INSC: variants seen among roughly 807,000 people sequenced by gnomAD.
The protein encoded by INSC is protein inscuteable homolog.
In INSC, 67 loss-of-function variants were observed where a neutral mutation model predicts 58.6. The ratio of observed to expected loss-of-function variants is 1.14; its 90% CI spans 0.94 to 1.40. INSC has a LOEUF of 1.40. Ranked by LOEUF, INSC falls within the 40% of genes most tolerant of loss-of-function variation. The pLI is 0.00. For synonymous variants in INSC, 262 were observed against 276.1 expected (o/e 0.95, Z 0.51); for missense variants, 714 against 692.0 (o/e 1.03, Z -0.36).
At chr11:15,160,181 C>G (rs764089000) in intron 2 of INSC, among the ~76,000 whole-genome samples, 1 of 152,126 alleles carries the variant, frequency 6.6e-6, no homozygotes, top group African/African-American at 2.4e-5. Context: ...TGCTTACAGA[C>G]GTGTGGGGCA....
intron 7 of INSC, among the ~76,000 whole-genome samples, chr11:15,210,770 G>C (rs1303551883): frequency 6.6e-6 from 1 of 152,098 alleles, no homozygotes; most frequent in Non-Finnish European, 1.5e-5. Context: ...TGCTTCTGGA[G>C]TGGGGCAAGT....
intron 1 of INSC, among the ~76,000 whole-genome samples, chr11:15,117,987 C>T (rs1055193980): frequency 7.2e-5 from 11 of 152,288 alleles, no homozygotes; most frequent in South Asian, 6.2e-4. Context: ...TCTGGGTGCC[C>T]GAAGGAGTTT....
chr11:15,113,329 T>G (rs970392278), upstream of INSC, among the ~76,000 whole-genome samples: 1 of 151,952 alleles, frequency 6.6e-6, no homozygotes, highest in Middle Eastern at 3.4e-3. Flanking sequence ...CCCAGTTAAT[T>G]TTTGTATTAT....
intron 5 of INSC, among the ~76,000 whole-genome samples, chr11:15,189,806 G>T (rs1308755324): frequency 6.6e-6 from 1 of 152,146 alleles, no homozygotes; most frequent in East Asian, 1.9e-4. Context: ...TTGAGCTACT[G>T]GCATTAATTA....
At chr11:15,125,962 C>T (rs560515301) in intron 1 of INSC, among the ~76,000 whole-genome samples, 17 of 152,104 alleles carry the variant, frequency 1.1e-4, no homozygotes, top group Admixed American at 6.5e-4. Context: ...TGAAGAATAA[C>T]GGGAAAGTTG....
In INSC at chr11:15,240,444, C is replaced by T; in HGVS notation, c.1394-3C>T. ...CCTGAGGCTCTCCCTGTGTCTCCTA[C>T]AGGCATGTCCCGTCTCATCGAGCTC... On this transcript the variant is annotated splice_polypyrimidine_tract_variant and splice_region_variant and intron_variant, in intron 11 of 12. Transcript: ENST00000379556. The T allele has an allele frequency of 6.2e-7, 1 of 1,613,548 alleles. No individual in the cohort carries two copies. The highest frequency in any genetic ancestry group is 8.5e-7 in the Non-Finnish European group (1 of 1,179,670).
At chr11:15,169,655 C>T (rs1254565770) in intron 2 of INSC, among the ~76,000 whole-genome samples, 2 of 152,112 alleles carry the variant, frequency 1.3e-5, no homozygotes, top group Non-Finnish European at 2.9e-5. Context: ...GATTCTCCTG[C>T]CTCAACCTCC....
intron 8 of INSC, among the ~76,000 whole-genome samples, chr11:15,222,381 G>C (rs1039306835): frequency 6.6e-6 from 1 of 152,054 alleles, no homozygotes; most frequent in Non-Finnish European, 1.5e-5. Context: ...AATTGAAATG[G>C]AATGAAATTT....
chr11:15,255,736 A>ATGTGTGTGTGTGTGTGTGTG, the INSC span, among the ~76,000 whole-genome samples: 3 of 147,908 alleles, frequency 2.0e-5, no homozygotes, highest in African/African-American at 5.0e-5. Flanking sequence ...AAGTGTGTGT[A>ATGTGTGTGTGTGTGTGTGTG]TGTGTGTGTG....
intron 5 of INSC, among the ~76,000 whole-genome samples, chr11:15,186,107 C>A (rs773894463): frequency 6.6e-6 from 1 of 152,192 alleles, no homozygotes; most frequent in Non-Finnish European, 1.5e-5. Context: ...TCATCCTCAG[C>A]AGATACCTGA....
chr11:15,258,815 G>A, the INSC span, among the ~76,000 whole-genome samples: 1 of 152,132 alleles, frequency 6.6e-6, no homozygotes, highest in African/African-American at 2.4e-5. Flanking sequence ...CACTGCACAC[G>A]TTTAGCATAA....
chr11:15,267,062 G>A, the INSC span, among the ~76,000 whole-genome samples: 1 of 151,986 alleles, frequency 6.6e-6, no homozygotes, highest in African/African-American at 2.4e-5. Context: ...ACATCTACCA[G>A]TGTTGAATTC....
intron 1 of INSC, among the ~76,000 whole-genome samples, chr11:15,121,443 C>T (rs1360588436): frequency 2.6e-5 from 4 of 152,224 alleles, no homozygotes; most frequent in East Asian, 3.8e-4. Context: ...AATACAACTG[C>T]AGTGAGGTTA....
chr11:15,153,453 C>T (rs1848714199), intron 2 of INSC, among the ~76,000 whole-genome samples: 1 of 152,184 alleles, frequency 6.6e-6, no homozygotes, highest in Admixed American at 6.5e-5. Context: ...CATATGTGCA[C>T]CTCTGTTCTG....
chr11:15,135,578 C>T (rs573129436), intron 1 of INSC, among the ~76,000 whole-genome samples: 10 of 152,242 alleles, frequency 6.6e-5, no homozygotes, highest in South Asian at 2.1e-4. Flanking sequence ...CCCTTGTGGC[C>T]GAGCCAAGGT....
intron 1 of INSC, among the ~76,000 whole-genome samples, chr11:15,145,093 A>G (rs879875944): frequency 3.9e-5 from 6 of 152,102 alleles, no homozygotes; most frequent in African/African-American, 1.2e-4. Flanking sequence ...AAAAGCAGCA[A>G]CTCTGCTCTG....
chr11:15,214,234 GTC>G (rs1851130678), intron 7 of INSC, among the ~76,000 whole-genome samples: 4 of 152,164 alleles, frequency 2.6e-5, no homozygotes, highest in African/African-American at 9.7e-5. Context: ...CAGGATGCCA[GTC>G]ACTTTGTGAT....
chr11:15,138,147 G>A (rs1181173480), intron 1 of INSC, among the ~76,000 whole-genome samples: 3 of 123,584 alleles, frequency 2.4e-5, no homozygotes, highest in African/African-American at 9.4e-5. Context: ...AGTTAAGTTT[G>A]CCATCTTATG....
chr11:15,252,017 G>A (rs1340872651), downstream of INSC, among the ~76,000 whole-genome samples: 2 of 152,116 alleles, frequency 1.3e-5, no homozygotes, highest in Non-Finnish European at 2.9e-5. Context: ...TTAAAAATGT[G>A]ATAAATCATA....
Sources: allele counts gnomAD v4.1 joint callset (sites outside exome capture counted in the v4.1 genomes callset), GRCh38; gene constraint gnomAD v4.1.1; transcripts MANE v1.5; gene names NCBI Gene and HGNC (gene_info 2026-07-23, HGNC 2026-07-21).